PPFIA2: variants seen among roughly 807,000 people sequenced by gnomAD.
PPFIA2 encodes the protein liprin-alpha-2.
Under a neutral mutation model 175.5 loss-of-function variants are expected in PPFIA2, and 46 were observed. That is an observed-to-expected ratio of 0.26 (90% CI 0.21 to 0.34). PPFIA2 has a LOEUF of 0.34. PPFIA2 is among the 10% of genes least tolerant of loss of function. The probability of loss-of-function intolerance (pLI) is 1.00; values close to 1 mark genes in which losing one functional copy is unlikely to be tolerated. For missense variants in PPFIA2, 1,179 were observed against 1,506.1 expected (o/e 0.78, Z 3.60); for synonymous variants, 568 against 511.4 (o/e 1.11, Z -1.49).
intron 3 of PPFIA2, among the ~76,000 whole-genome samples, chr12:81,697,816 A>G (rs749064551): frequency 6.6e-6 from 1 of 152,258 alleles, no homozygotes; most frequent in African/African-American, 2.4e-5. Flanking sequence ...TCTCTCAATA[A>G]GTAGAGTTGA....
chr12:81,621,373 C>A (rs952030955), intron 4 of PPFIA2, among the ~76,000 whole-genome samples: 7 of 152,190 alleles, frequency 4.6e-5, no homozygotes, highest in Non-Finnish European at 1.0e-4. Flanking sequence ...TTGGTTCTTG[C>A]ATGGCATTAA....
rs551083398 is a variant in PPFIA2, at chr12:81,531,841, A to G, written c.304-73975T>C. 7.9e-5 allele frequency among the ~76,000 whole-genome samples: 12 copies of G among 151,968 alleles called. No homozygotes were observed. The South Asian group carries it at 2.5e-3, about 32-fold the overall frequency. On this transcript the variant is annotated intron_variant, in intron 4 of 32. Coordinates refer to ENST00000549396, the MANE Select transcript of PPFIA2 (RefSeq NM_003625.5). The stretch of plus-strand genomic sequence containing the variant: ...GATGAACTCAAAGGCTTTAATAATA[A>G]TGGTACTGGTAAGAAATAATGAGGA...
chr12:81,419,081 A>G (rs1424499133), intron 7 of PPFIA2, among the ~76,000 whole-genome samples: 2 of 152,046 alleles, frequency 1.3e-5, no homozygotes, highest in Non-Finnish European at 2.9e-5. Flanking sequence ...TATATTTCTA[A>G]TATAAGACCC....
At chr12:81,672,676 C>T (rs554721694) in intron 4 of PPFIA2, among the ~76,000 whole-genome samples, 1 of 152,052 alleles carries the variant, frequency 6.6e-6, no homozygotes, top group East Asian at 1.9e-4. Flanking sequence ...ATGTATAGAT[C>T]TTATTATTCC....
chr12:81,339,789 C>T (rs1188803088), intron 20 of PPFIA2, among the ~76,000 whole-genome samples: 2 of 151,988 alleles, frequency 1.3e-5, no homozygotes, highest in East Asian at 3.9e-4. Flanking sequence ...CTTGATTTTC[C>T]TCTAGCCATC....
At chr12:81,510,552 T>C (rs1418901690) in intron 4 of PPFIA2, among the ~76,000 whole-genome samples, 1 of 152,074 alleles carries the variant, frequency 6.6e-6, no homozygotes, top group East Asian at 1.9e-4. Context: ...AAAGACAACA[T>C]CATGAGATAG....
chr12:81,373,621 A>C (rs915345339), intron 11 of PPFIA2, among the ~76,000 whole-genome samples: 3 of 151,544 alleles, frequency 2.0e-5, no homozygotes, highest in African/African-American at 7.3e-5. Context: ...TGCTCTACGC[A>C]GTCAAAGGTT....
At chr12:81,738,468 A>T (rs750851898) in intron 3 of PPFIA2, among the ~76,000 whole-genome samples, 4 of 151,958 alleles carry the variant, frequency 2.6e-5, no homozygotes, top group Non-Finnish European at 5.9e-5. Flanking sequence ...GAATAAATCT[A>T]AAGGAATATT....
Position 81,358,161 on chromosome 12 carries a change from C to T in PPFIA2, c.1694G>A (p.Ser565Asn). ...TTTAGTTGTTCTGTAATCAGACTGG[C>T]TGTCCACTAGGGATCCCACTGAGTA... is the stretch of plus-strand genomic sequence containing the variant. Reference protein sequence around the residue: ...LRYSVGSLVDSQSDYRTTKVI... With the variant: ...LRYSVGSLVDNQSDYRTTKVI... The change falls in exon 16 of 33, where the codon AGC becomes AAC. Residue 565 changes from serine (S) to asparagine (N), a missense_variant. Coordinates refer to ENST00000549396, the MANE Select transcript of PPFIA2 (RefSeq NM_003625.5). The T allele has an allele frequency of 6.3e-7, 1 of 1,598,218 alleles. No homozygotes were observed.
chr12:81,455,202 T>A (rs1369959748), intron 5 of PPFIA2, among the ~76,000 whole-genome samples: 1 of 152,188 alleles, frequency 6.6e-6, no homozygotes, highest in Non-Finnish European at 1.5e-5. Flanking sequence ...TTTAGCAACA[T>A]TTGATAAGGC....
chr12:81,387,279 A>G (rs1241802819), intron 8 of PPFIA2, among the ~76,000 whole-genome samples: 2 of 152,128 alleles, frequency 1.3e-5, no homozygotes, highest in Non-Finnish European at 2.9e-5. Context: ...TGACACTGAT[A>G]AAGTTTTTAG....
intron 24 of PPFIA2, among the ~76,000 whole-genome samples, chr12:81,294,431 AAGGTAGGT>A (rs1195830873): frequency 2.4e-5 from 3 of 125,170 alleles, no homozygotes; most frequent in East Asian, 2.4e-4. Flanking sequence ...GGAAGGAAGG[AAGGTAGGT>A]AGGAAGGAAG....
At chr12:81,646,658 A>G (rs561299486) in intron 4 of PPFIA2, among the ~76,000 whole-genome samples, 1 of 152,332 alleles carries the variant, frequency 6.6e-6, no homozygotes, top group East Asian at 1.9e-4. Flanking sequence ...AGTCCATAAA[A>G]GGAAGAATTT....
intron 22 of PPFIA2, 88 bp downstream of exon 22, chr12:81,325,689 T>C: frequency 1.0e-6 from 1 of 982,842 alleles, no homozygotes; most frequent in South Asian, 1.5e-5. Context: ...AGTTCTTTTG[T>C]TTCCAACCAC....
At chr12:81,399,363 C>T (rs1300404520) in intron 8 of PPFIA2, among the ~76,000 whole-genome samples, 1 of 145,694 alleles carries the variant, frequency 6.9e-6, no homozygotes, top group Non-Finnish European at 1.5e-5. Flanking sequence ...ATACTTCTTA[C>T]TGAAGACAGC....
Position 81,531,123 on chromosome 12 carries a change from A to G in PPFIA2, c.304-73257T>C, listed in dbSNP as rs144544678. 3.4e-3 allele frequency among the ~76,000 whole-genome samples: 512 copies of G among 152,060 alleles called. 3 individuals are homozygous for G. The highest frequency in any genetic ancestry group is 0.011 in the African/African-American group (473 of 41,526). On this transcript the variant is annotated intron_variant, in intron 4 of 32. Transcript: ENST00000549396. The stretch of plus-strand genomic sequence containing the variant: ...TGAGTTACAAAAATAATTTCAATGC[A>G]ATAACTTGAATTACTTTGCAACCAG...
chr12:81,626,211 T>TA (rs199999678), intron 4 of PPFIA2, among the ~76,000 whole-genome samples: 35 of 150,652 alleles, frequency 2.3e-4, no homozygotes, highest in African/African-American at 8.0e-4. Flanking sequence ...CATACTAGGT[T>TA]AAAAAAAAGG....
chr12:81,699,037 C>G (rs1044555952), intron 3 of PPFIA2, among the ~76,000 whole-genome samples: 11 of 152,036 alleles, frequency 7.2e-5, no homozygotes, highest in African/African-American at 2.7e-4. Flanking sequence ...ACATATTTCA[C>G]TATCAAGTAA....
chr12:81,416,340 G>T (rs906390493), intron 7 of PPFIA2, among the ~76,000 whole-genome samples: 4 of 151,556 alleles, frequency 2.6e-5, no homozygotes, highest in Admixed American at 2.0e-4. Flanking sequence ...GATAAATAAG[G>T]AAGGGTAGAG....
Sources: gnomAD v4.1 joint callset for allele counts (sites outside exome capture counted in the v4.1 genomes callset) on GRCh38, gnomAD v4.1.1 for gene constraint, MANE v1.5 for transcripts, NCBI Gene and HGNC (gene_info 2026-07-23, HGNC 2026-07-21) for gene names.